RNF144A: variants seen among roughly 807,000 people sequenced by gnomAD.
RNF144A encodes the protein E3 ubiquitin-protein ligase RNF144A.
Under a neutral mutation model 38.7 loss-of-function variants are expected in RNF144A, and 11 were observed. The observed-to-expected ratio is 0.28, with a 90% CI of 0.18 to 0.47. The LOEUF (loss-of-function observed/expected upper bound fraction) is 0.47. RNF144A is among the 20% of genes least tolerant of loss of function. RNF144A has a pLI of 0.99. For missense variants in RNF144A, 316 were observed against 377.2 expected (o/e 0.84, Z 1.34); for synonymous variants, 149 against 143.9 (o/e 1.04, Z -0.25).
intron 2 of RNF144A, among the ~76,000 whole-genome samples, chr2:6,954,619 C>G (rs912994195): frequency 6.6e-6 from 1 of 152,196 alleles, no homozygotes; most frequent in African/African-American, 2.4e-5. Context: ...AAACCTGTTT[C>G]ATCATTTGGA....
At chr2:7,053,452 T>C (rs1290072884) in intron 6 of RNF144A, among the ~76,000 whole-genome samples, 1 of 152,234 alleles carries the variant, frequency 6.6e-6, no homozygotes, top group African/African-American at 2.4e-5. Flanking sequence ...TGTGTTTTCA[T>C]CTGGAGGCTC....
chr2:6,976,246 A>AC lies in RNF144A; in HGVS notation c.-11-20668dup, dbSNP rs1422891864. Among the ~76,000 whole-genome samples the AC allele has an allele frequency of 5.3e-5, 8 of 152,300 alleles. No individual in the cohort carries two copies. The East Asian group carries it at 1.5e-3, about 29-fold the overall frequency. ...CAGTAAGGTGTGTGAGTAATGGTTG[A>AC]CCTACAGCCTCCCCCACAGGGTTTG... is the stretch of plus-strand genomic sequence containing the variant. On this transcript the variant is annotated intron_variant, in intron 2 of 8. Transcript: ENST00000320892.
At chr2:6,959,413 C>T (rs1667196685) in intron 2 of RNF144A, among the ~76,000 whole-genome samples, 1 of 147,612 alleles carries the variant, frequency 6.8e-6, no homozygotes, top group South Asian at 2.2e-4. Flanking sequence ...TGCGTGTGCA[C>T]ATCCAGATAG....
At chr2:6,989,014 C>T (rs915151102) in intron 2 of RNF144A, among the ~76,000 whole-genome samples, 6 of 152,102 alleles carry the variant, frequency 3.9e-5, no homozygotes, top group Admixed American at 3.9e-4. Context: ...CAATGTCCTG[C>T]CCCAGTCCTA....
chr2:6,967,359 T>C (rs1310862845), intron 2 of RNF144A, among the ~76,000 whole-genome samples: 1 of 152,250 alleles, frequency 6.6e-6, no homozygotes, highest in Non-Finnish European at 1.5e-5. Context: ...AAAACTTCCC[T>C]TGGGGCGTGT....
At position 7,020,696 on chromosome 2, in the gene RNF144A, A is replaced by C. The variant is rs555796185; in HGVS notation, c.509+16A>C. ...GGGAGACCAGGTACCCTTTGTACAC[A>C]AGCTGCCACCAAAGGCATGGCTGTG... On this transcript the variant is annotated intron_variant, in intron 6 of 8. Transcript: ENST00000320892. 6.3e-7 allele frequency: 1 copy of C among 1,595,588 alleles called. No individual in the cohort carries two copies. Among genetic ancestry groups the C allele is most frequent in the South Asian group, 1.1e-5 (1 of 90,996 alleles).
At chr2:7,035,919 C>G (rs1194906578) in intron 8 of RNF144A, among the ~76,000 whole-genome samples, 1 of 152,198 alleles carries the variant, frequency 6.6e-6, no homozygotes, top group African/African-American at 2.4e-5. Flanking sequence ...TGTTTCATCG[C>G]AAGTGATACA....
chr2:7,049,224 G>A (rs1323012601), intron 6 of RNF144A, among the ~76,000 whole-genome samples: 3 of 152,196 alleles, frequency 2.0e-5, no homozygotes, highest in African/African-American at 4.8e-5. Context: ...GGTAAGGGAT[G>A]AGAAACAGAG....
At chr2:7,058,656 ATGTCT>A (rs1238263868) in intron 6 of RNF144A, among the ~76,000 whole-genome samples, 1 of 152,158 alleles carries the variant, frequency 6.6e-6, no homozygotes, top group Admixed American at 6.5e-5. Flanking sequence ...TTTATATCAC[ATGTCT>A]CTGGTTAGTG....
intron 3 of RNF144A, among the ~76,000 whole-genome samples, chr2:7,011,429 A>T (rs979489160): frequency 9.9e-5 from 15 of 152,088 alleles, no homozygotes; most frequent in Admixed American, 1.3e-4. Context: ...CAAACATAAA[A>T]CCTCACCAGC....
intron 2 of RNF144A, among the ~76,000 whole-genome samples, chr2:6,991,882 T>A (rs1427696249): frequency 6.6e-6 from 1 of 152,172 alleles, no homozygotes; most frequent in African/African-American, 2.4e-5. Flanking sequence ...GTGACCACTG[T>A]CCAGAAGGCT....
At chr2:7,005,154 AG>A (rs1670358067) in intron 3 of RNF144A, among the ~76,000 whole-genome samples, 1 of 152,152 alleles carries the variant, frequency 6.6e-6, no homozygotes, top group Non-Finnish European at 1.5e-5. Context: ...GGTGGGAAAT[AG>A]TTTTCAAAGT....
At chr2:6,992,619 C>T (rs1369868546) in intron 2 of RNF144A, among the ~76,000 whole-genome samples, 1 of 152,226 alleles carries the variant, frequency 6.6e-6, no homozygotes, top group African/African-American at 2.4e-5. Context: ...TGGATGATGA[C>T]TGGCTGGCAG....
chr2:6,922,604 C>T (rs2103268134), intron 1 of RNF144A, among the ~76,000 whole-genome samples: 1 of 151,754 alleles, frequency 6.6e-6, no homozygotes, highest in East Asian at 1.9e-4. Flanking sequence ...CAGAGGGGAC[C>T]CGCCCGGTTT....
intron 3 of RNF144A, among the ~76,000 whole-genome samples, chr2:7,010,160 C>A (rs563365431): frequency 6.6e-6 from 1 of 152,160 alleles, no homozygotes; most frequent in Non-Finnish European, 1.5e-5. Flanking sequence ...TCCGGAGCAC[C>A]GCTGTCTCCG....
At chr2:7,027,797 G>A (rs975502625) in intron 7 of RNF144A, among the ~76,000 whole-genome samples, 9 of 152,228 alleles carry the variant, frequency 5.9e-5, no homozygotes, top group African/African-American at 2.2e-4. Flanking sequence ...ATGCCTCAGG[G>A]CATCATCAAT....
intron 8 of RNF144A, among the ~76,000 whole-genome samples, chr2:7,037,893 C>G (rs914565626): frequency 2.0e-5 from 3 of 152,204 alleles, no homozygotes; most frequent in Non-Finnish European, 4.4e-5. Flanking sequence ...CTGGTGCTTG[C>G]ATTTACTGGC....
intron 1 of RNF144A, among the ~76,000 whole-genome samples, chr2:6,926,943 G>A (rs913987837): frequency 6.6e-6 from 1 of 152,138 alleles, no homozygotes; most frequent in South Asian, 2.1e-4. Context: ...CAGAGCGGGG[G>A]TGCCCTTTCT....
chr2:7,032,590 G>A (rs939216867), intron 8 of RNF144A, among the ~76,000 whole-genome samples: 1 of 152,256 alleles, frequency 6.6e-6, no homozygotes, highest in African/African-American at 2.4e-5. Flanking sequence ...TTCCTGGACA[G>A]ATCGATGCGT....
Sources: allele counts gnomAD v4.1 joint callset (sites outside exome capture counted in the v4.1 genomes callset), GRCh38; gene constraint gnomAD v4.1.1; transcripts MANE v1.5; gene names NCBI Gene and HGNC (gene_info 2026-07-23, HGNC 2026-07-21).